Variants in LIFR observed in about 807,000 individuals in gnomAD.
The protein encoded by LIFR is LIF receptor subunit alpha, also known as leukemia inhibitory factor receptor.
LIFR carries 84 observed loss-of-function variants against 122.2 expected under a neutral mutation model. The observed-to-expected ratio is 0.69, with a 90% CI of 0.58 to 0.82. The LOEUF is 0.82. Ranked by LOEUF, LIFR falls within the 40% of genes least tolerant of loss-of-function variation. The pLI, the probability that LIFR is intolerant of heterozygous loss-of-function variation, is 0.00. For missense variants in LIFR, 1,294 were observed against 1,311.6 expected, an observed-to-expected ratio of 0.99 and a Z score of 0.21; for synonymous variants, 422 against 434.7, an observed-to-expected ratio of 0.97 and a Z score of 0.36.
intron 1 of LIFR, among the ~76,000 whole-genome samples, chr5:38,593,170 T>G (rs1384172643): frequency 6.6e-6 from 1 of 151,990 alleles, no homozygotes; most frequent in African/African-American, 2.4e-5. Flanking sequence ...GCCACTGCAC[T>G]CCAGCCTGGG....
intron 1 of LIFR, among the ~76,000 whole-genome samples, chr5:38,564,782 ATT>A (rs56072030): frequency 7.0e-6 from 1 of 142,994 alleles, no homozygotes; most frequent in Non-Finnish European, 1.5e-5. Flanking sequence ...ACACACATAT[ATT>A]TTTTTTTTGA....
chr5:38,595,040 G>C (rs1365438876), intron 1 of LIFR: 1 of 180,768 alleles, frequency 5.5e-6, no homozygotes, highest in Non-Finnish European at 1.2e-5. Flanking sequence ...ATCTCTGTAG[G>C]ATGCCAAGGA....
intron 1 of LIFR, among the ~76,000 whole-genome samples, chr5:38,576,538 G>T (rs968116383): frequency 2.0e-5 from 3 of 152,130 alleles, no homozygotes; most frequent in Non-Finnish European, 2.9e-5. Flanking sequence ...CATTTTCTTG[G>T]TTCCACTTGA....
intron 13 of LIFR, among the ~76,000 whole-genome samples, chr5:38,495,176 A>G (rs2112424630): frequency 6.6e-6 from 1 of 152,334 alleles, no homozygotes; most frequent in East Asian, 1.9e-4. Flanking sequence ...GAAGCTGATG[A>G]CAGAATTGCT....
At chr5:38,565,931 A>T (rs1310266293) in intron 1 of LIFR, among the ~76,000 whole-genome samples, 1 of 152,148 alleles carries the variant, frequency 6.6e-6, no homozygotes, top group Non-Finnish European at 1.5e-5. Flanking sequence ...TTTATTGAGT[A>T]CTTAATACAT....
chr5:38,510,774 T>A lies in LIFR; in HGVS notation c.737-56A>T, dbSNP rs16903990. 6.9e-4 allele frequency: 998 copies of A among 1,449,418 alleles called. 7 individuals are homozygous for A. The African/African-American group carries it at 0.013, about 18-fold the overall frequency. 89.8% of individuals were successfully genotyped at this position (1,449,418 alleles called of 1,614,324 possible). A position where few individuals can be genotyped will look rare whatever the true frequency, so the allele number is the denominator to read the frequency against. On this transcript the variant is annotated intron_variant, in intron 6 of 19. Transcript: ENST00000453190. The stretch of plus-strand genomic sequence containing the variant: ...TTATATAGAAGTATTTTACATAAAC[T>A]TTTCTGCATTTTAAGACTTTCTTTT...
At position 38,499,552 on chromosome 5, in the gene LIFR, C is replaced by T. The variant is rs866027505; in HGVS notation, c.1632G>A (p.Glu544=). 1 of 1,608,998 alleles carries T rather than the reference C, an allele frequency of 6.2e-7. No individual in the cohort carries two copies. Among genetic ancestry groups the T allele is most frequent in the Admixed American group, 1.7e-5 (1 of 60,028 alleles). Residue 544 remains glutamate (E), a synonymous_variant, in exon 12 of 20, where the codon GAG becomes GAA. Transcript: ENST00000453190. ...SPSKGPDTWR[E]WSSDGKNLII... is the part of the protein sequence containing the mutation. ...TTAAATTTTTTCCATCAGAACTCCACTCTCTCCAAGTATCAGGCCCCTTTG... is the reference window on the plus strand; with the variant it reads ...TTAAATTTTTTCCATCAGAACTCCATTCTCTCCAAGTATCAGGCCCCTTTG...
chr5:38,599,300 A>G (rs1295769485), upstream of LIFR, among the ~76,000 whole-genome samples: 1 of 152,198 alleles, frequency 6.6e-6, no homozygotes, highest in East Asian at 1.9e-4. Context: ...TAGAGCTAAG[A>G]TATGCATTTT....
At chr5:38,483,351 T>C (rs1744099214) in intron 18 of LIFR, among the ~76,000 whole-genome samples, 1 of 152,260 alleles carries the variant, frequency 6.6e-6, no homozygotes, top group African/African-American at 2.4e-5. Context: ...TTTGAAACGC[T>C]GTAACTTCTA....
intron 11 of LIFR, among the ~76,000 whole-genome samples, chr5:38,501,381 T>C (rs1027108262): frequency 1.3e-5 from 2 of 152,246 alleles, no homozygotes; most frequent in Non-Finnish European, 2.9e-5. Flanking sequence ...TTGCTATTTC[T>C]TAAATTTTTG....
intron 1 of LIFR, among the ~76,000 whole-genome samples, chr5:38,573,272 A>G (rs1011002928): frequency 6.6e-6 from 1 of 152,198 alleles, no homozygotes; most frequent in Admixed American, 6.5e-5. Flanking sequence ...CTGAGTGCAA[A>G]TCTTGACTCT....
At chr5:38,511,990 T>C in intron 5 of LIFR, 26 bp from the exon 6 acceptor site, 1 of 1,611,052 alleles carries the variant, frequency 6.2e-7, no homozygotes, top group Non-Finnish European at 8.5e-7. Flanking sequence ...AACACAAAAC[T>C]GTATTTCCAA....
At chr5:38,567,814 CCA>C in intron 1 of LIFR, among the ~76,000 whole-genome samples, 1 of 152,220 alleles carries the variant, frequency 6.6e-6, no homozygotes, top group South Asian at 2.1e-4. Flanking sequence ...TAGGCATGAG[CCA>C]CCACCTGGCC....
intron 12 of LIFR, among the ~76,000 whole-genome samples, chr5:38,498,097 A>C (rs1189897147): frequency 6.6e-6 from 1 of 152,208 alleles, no homozygotes; most frequent in African/African-American, 2.4e-5. Context: ...TCTCTGGTCA[A>C]GACTGAGGAT....
chr5:38,578,402 C>A (rs1337126785), intron 1 of LIFR, among the ~76,000 whole-genome samples: 2 of 150,628 alleles, frequency 1.3e-5, no homozygotes, highest in African/African-American at 4.9e-5. Context: ...GACGGGGTTT[C>A]TCCATGTTGG....
chr5:38,488,983 G>A, intron 16 of LIFR, 95 bp downstream of exon 16: 1 of 963,442 alleles, frequency 1.0e-6, no homozygotes. Flanking sequence ...TTGAAAACCA[G>A]TACTAAACTA....
chr5:38,523,301 G>A (rs982997519), intron 5 of LIFR, 118 bp downstream of exon 5: 7 of 756,978 alleles, frequency 9.2e-6, no homozygotes, highest in African/African-American at 8.8e-5. Flanking sequence ...AACCCTGAAA[G>A]GTATCTGATT....
rs147394011 is a variant in LIFR, at chr5:38,486,392, A to G, written c.2336-412T>C. Among the ~76,000 whole-genome samples, 1,089 of 152,308 alleles carry G rather than the reference A, an allele frequency of 7.1e-3. 18 individuals carry two copies. Among genetic ancestry groups the G allele is most frequent in the Admixed American group, 0.034 (513 of 15,294 alleles). ...TGAGTGAGAGTGAAAGATGGGATGAAGCAAACCTGCAGATCAATAGAGATG... is the reference window on the plus strand; with the variant it reads ...TGAGTGAGAGTGAAAGATGGGATGAGGCAAACCTGCAGATCAATAGAGATG... On this transcript the variant is annotated intron_variant, in intron 16 of 19. Transcript: ENST00000453190.
At chr5:38,573,616 C>A (rs549618926) in intron 1 of LIFR, among the ~76,000 whole-genome samples, 73 of 152,262 alleles carry the variant, frequency 4.8e-4, no homozygotes, top group African/African-American at 1.7e-3. Context: ...ATGCATTCAT[C>A]CCATTCAGTA....
Sources: allele counts gnomAD v4.1 joint callset (sites outside exome capture counted in the v4.1 genomes callset), GRCh38; gene constraint gnomAD v4.1.1; transcripts MANE v1.5; gene names NCBI Gene and HGNC (gene_info 2026-07-23, HGNC 2026-07-21).